Variants in NBEA observed in about 807,000 individuals in gnomAD.
NBEA encodes neurobeachin, also known as lysosomal-trafficking regulator 2.
In NBEA, 44 loss-of-function variants were observed where a neutral mutation model predicts 343.4. That is an observed-to-expected ratio of 0.13 (90% CI 0.10 to 0.16). The LOEUF (loss-of-function observed/expected upper bound fraction) is 0.16, where lower values mean the gene tolerates loss of function less well. Among genes scored for constraint, NBEA ranks in the 10% least tolerant of loss-of-function variants. The pLI is 1.00. For synonymous variants in NBEA, 1,175 were observed against 1,238.7 expected (o/e 0.95, Z 1.08); for missense variants, 2,555 against 3,631.3 (o/e 0.70, Z 7.62).
At chr13:35,076,622 C>T (rs1452665840) in intron 10 of NBEA, among the ~76,000 whole-genome samples, 1 of 151,662 alleles carries the variant, frequency 6.6e-6, no homozygotes, top group Non-Finnish European at 1.5e-5. Flanking sequence ...ATCTTTGACC[C>T]TTCACTCCCT....
chr13:35,091,119 A>G (rs939130520), intron 10 of NBEA, among the ~76,000 whole-genome samples: 2 of 151,956 alleles, frequency 1.3e-5, no homozygotes, highest in African/African-American at 4.8e-5. Context: ...AAGGCTATAG[A>G]AGCCAAAACT....
chr13:35,316,141 G>C (rs61949060), intron 36 of NBEA, among the ~76,000 whole-genome samples: 13,744 of 151,726 alleles, frequency 0.091, 707 homozygotes, highest in African/African-American at 0.15. Context: ...TTAAGTTCTA[G>C]ATACATGGGC....
At chr13:35,368,693 A>G (rs1007556021) in intron 38 of NBEA, among the ~76,000 whole-genome samples, 1 of 151,622 alleles carries the variant, frequency 6.6e-6, no homozygotes, top group Non-Finnish European at 1.5e-5. Context: ...AACATTTAAC[A>G]AGACTATTAT....
chr13:35,318,428 G>A (rs56128271), intron 36 of NBEA, among the ~76,000 whole-genome samples: 2,195 of 152,214 alleles, frequency 0.014, 49 homozygotes, highest in African/African-American at 0.05. Context: ...TGTTGAACCG[G>A]CGTTGCATCC....
intron 41 of NBEA, among the ~76,000 whole-genome samples, chr13:35,517,623 TC>T (rs1459935583): frequency 6.6e-6 from 1 of 152,182 alleles, no homozygotes; most frequent in African/African-American, 2.4e-5. Flanking sequence ...CTTTGGCAGA[TC>T]AACCATCCTT....
At chr13:35,660,276 G>T (rs2085023531) in intron 55 of NBEA, among the ~76,000 whole-genome samples, 1 of 152,178 alleles carries the variant, frequency 6.6e-6, no homozygotes, top group Non-Finnish European at 1.5e-5. Context: ...TGCTTTTAAA[G>T]AATGTAGTTT....
rs550007337 is a variant in NBEA at position 35,497,059 on chromosome 13, G to A, written c.6585+24523G>A. On this transcript the variant is annotated intron_variant, in intron 41 of 58. Transcript: ENST00000379939. ...CGCAAATAGCTTAGTTAGATATGTA[G>A]ATGAGTTAAAAATAGAATCTGCAAA... 2.0e-5 allele frequency among the ~76,000 whole-genome samples: 3 copies of A among 152,166 alleles called. No individual in the cohort carries two copies. The East Asian group carries it at 5.8e-4, about 30-fold the overall frequency.
chr13:35,604,130 A>T (rs1395182545), intron 47 of NBEA, among the ~76,000 whole-genome samples: 1 of 152,168 alleles, frequency 6.6e-6, no homozygotes, highest in Admixed American at 6.5e-5. Context: ...AATCAAACTC[A>T]TGATAGTCAT....
chr13:35,244,978 T>C (rs1176639447), intron 34 of NBEA, among the ~76,000 whole-genome samples: 1 of 152,142 alleles, frequency 6.6e-6, no homozygotes, highest in Admixed American at 6.5e-5. Context: ...CTGAATTCAT[T>C]TATCAGTTCT....
rs563648073 is a variant in NBEA at position 35,216,585 on chromosome 13, G to A, written c.5648+5406G>A. 5.3e-5 allele frequency among the ~76,000 whole-genome samples: 8 copies of A among 152,004 alleles called. No individual in the cohort carries two copies. In the South Asian group the frequency reaches 1.0e-3, roughly 20 times the overall value. On this transcript the variant is annotated intron_variant, in intron 33 of 58. Transcript: ENST00000379939. ...ACAGTTTTACCTGTATTGTACAAAT[G>A]TAGTATTTTTTATATTCAATTCAAT... is the stretch of plus-strand genomic sequence containing the variant.
Position 35,142,237 on chromosome 13 carries a change from C to A in NBEA, c.2337-32C>A, listed in dbSNP as rs752359455. 7 of 1,406,764 alleles carry A rather than the reference C, an allele frequency of 5.0e-6. No individual in the cohort carries two copies. The South Asian group carries it at 8.2e-5, about 16-fold the overall frequency. 87.1% of individuals were successfully genotyped at this position (1,406,764 alleles called of 1,614,324 possible). A position where few individuals can be genotyped will look rare whatever the true frequency, so the allele number is the denominator to read the frequency against. ...TGTGATCGGAGAATCCAATGTGTTT[C>A]ATGGTGTTTTATTTTTCCTCCTTCT... On this transcript the variant is annotated intron_variant, in intron 17 of 58. Transcript: ENST00000379939.
intron 17 of NBEA, among the ~76,000 whole-genome samples, chr13:35,141,215 T>A (rs1340731438): frequency 6.6e-6 from 1 of 152,130 alleles, no homozygotes; most frequent in South Asian, 2.1e-4. Context: ...ATTGAAGAAA[T>A]GAAATACTGA....
chr13:35,124,240 C>T (rs372820928), intron 17 of NBEA, among the ~76,000 whole-genome samples: 1 of 147,622 alleles, frequency 6.8e-6, no homozygotes, highest in East Asian at 2.0e-4. Flanking sequence ...ATCAGAACCT[C>T]ATTTTCGCCC....
intron 31 of NBEA, among the ~76,000 whole-genome samples, chr13:35,201,916 C>G (rs1259739535): frequency 6.6e-6 from 1 of 151,984 alleles, no homozygotes. Context: ...TCCTCTCTCA[C>G]CCCAAATTTA....
chr13:35,606,703 A>G, intron 48 of NBEA, 125 bp downstream of exon 48: 1 of 742,614 alleles, frequency 1.3e-6, no homozygotes, highest in Non-Finnish European at 1.9e-6. Context: ...TACAAGCTTA[A>G]AATTTTAAAT....
intron 36 of NBEA, among the ~76,000 whole-genome samples, chr13:35,315,034 A>G (rs2037626497): frequency 1.3e-5 from 2 of 152,206 alleles, no homozygotes; most frequent in South Asian, 4.1e-4. Flanking sequence ...CACAAATTAA[A>G]TATTTTATAC....
chr13:35,059,444 A>G (rs2063383057), intron 8 of NBEA, among the ~76,000 whole-genome samples: 1 of 151,918 alleles, frequency 6.6e-6, no homozygotes, highest in African/African-American at 2.4e-5. Flanking sequence ...GCGTGCACAT[A>G]TATGAGTTAG....
intron 47 of NBEA, among the ~76,000 whole-genome samples, chr13:35,602,053 G>T (rs1376820766): frequency 6.6e-6 from 1 of 152,042 alleles, no homozygotes; most frequent in Non-Finnish European, 1.5e-5. Context: ...ACATAGAAAG[G>T]TACCAAAATA....
At chr13:35,301,209 A>G (rs895555633) in intron 35 of NBEA, among the ~76,000 whole-genome samples, 1 of 151,668 alleles carries the variant, frequency 6.6e-6, no homozygotes, top group Non-Finnish European at 1.5e-5. Flanking sequence ...TCTGGGATAC[A>G]TGTGCAGAAC....
Sources: gnomAD v4.1 joint callset for allele counts (sites outside exome capture counted in the v4.1 genomes callset) on GRCh38, gnomAD v4.1.1 for gene constraint, MANE v1.5 for transcripts, NCBI Gene and HGNC (gene_info 2026-07-23, HGNC 2026-07-21) for gene names.